The following HLA-DPB1 variants were observed in gnomAD, a reference collection of about 807,000 sequenced individuals.
HLA-DPB1 encodes HLA class II histocompatibility antigen, DP beta 1 chain.
Under a neutral mutation model 29.4 loss-of-function variants are expected in HLA-DPB1, and 30 were observed. That is an observed-to-expected ratio of 1.02 (90% CI 0.76 to 1.38). The LOEUF (loss-of-function observed/expected upper bound fraction) is 1.38, where lower values mean the gene tolerates loss of function less well. Ranked by LOEUF, HLA-DPB1 falls within the 40% of genes most tolerant of loss-of-function variation. HLA-DPB1 has a pLI of 0.00. For missense variants in HLA-DPB1, 261 were observed against 327.5 expected (o/e 0.80, Z 1.57); for synonymous variants, 114 against 134.0 (o/e 0.85, Z 1.03).
At chr6:33,078,134 T>G (rs1762644628) in intron 1 of HLA-DPB1, among the ~76,000 whole-genome samples, 1 of 149,616 alleles carries the variant, frequency 6.7e-6, no homozygotes, top group Non-Finnish European at 1.5e-5. Context: ...AACCCAGAGG[T>G]GGGGGAGCAG....
rs771635946 is a variant in HLA-DPB1, at chr6:33,085,929, T to C, written c.757+40T>C. On this transcript the variant is annotated intron_variant, in intron 4 of 5. Transcript: ENST00000418931. ...AGGGTGAGCGGGACTTACCTTCCCC[T>C]GGCATATTCACACTTATTCCACGAT... 4.5e-6 allele frequency: 6 copies of C among 1,335,376 alleles called. No homozygotes were observed. The East Asian group carries it at 1.4e-4, about 31-fold the overall frequency. 82.7% of individuals were successfully genotyped at this position (1,335,376 alleles called of 1,614,324 possible). A position where few individuals can be genotyped will look rare whatever the true frequency, so the allele number is the denominator to read the frequency against.
At position 33,087,504 on chromosome 6, in the gene HLA-DPB1, TC is replaced by T. The variant is rs540086241; in HGVS notation, c.*971del. ...TAGAGGACATGTTTGTTGTAAGCTT[TC>T]TTTTTCGTGTAGAGGATGGATTCTT... On this transcript the variant is annotated 3_prime_UTR_variant, in exon 6 of 6. Coordinates refer to ENST00000418931, the MANE Select transcript of HLA-DPB1 (RefSeq NM_002121.6). Among the ~76,000 whole-genome samples, 30,017 of 152,044 alleles carry T rather than the reference TC, an allele frequency of 0.2. 3,362 individuals are homozygous for T. The highest frequency in any genetic ancestry group is 0.55 in the East Asian group (2,820 of 5,148).
chr6:33,086,234 C>CACAAGGAA lies in HLA-DPB1; in HGVS notation c.774_775insCAAGGAAA (p.Ter259GlnfsTer8), dbSNP rs748621826. ...TTCATTTCAGTTCAACGAGGATCTG[C>CACAAGGAA]ATAAACAGGTAATATTCCTGCTTTG... On this transcript the variant is annotated frameshift_variant, in exon 5 of 6. Coordinates refer to ENST00000418931, the MANE Select transcript of HLA-DPB1 (RefSeq NM_002121.6). LOFTEE classifies it high-confidence loss of function. 2.5e-6 allele frequency: 4 copies of CACAAGGAA among 1,582,794 alleles called. No individual in the cohort carries two copies. Among genetic ancestry groups the CACAAGGAA allele is most frequent in the Non-Finnish European group, 3.5e-6 (4 of 1,154,080 alleles).
intron 1 of HLA-DPB1, chr6:33,079,413 C>G (rs560517160): frequency 2.6e-4 from 55 of 209,008 alleles, no homozygotes; most frequent in African/African-American, 1.3e-3. Context: ...TTCCTCGGTG[C>G]TGCCTATGCA....
At chr6:33,079,812 CAG>C in intron 1 of HLA-DPB1, 1 of 456,854 alleles carries the variant, frequency 2.2e-6, no homozygotes, top group South Asian at 1.7e-5. Flanking sequence ...AGCCGGCCAT[CAG>C]AGTCACCAAC....
intron 5 of HLA-DPB1, 115 bp from the exon 6 acceptor site, chr6:33,086,424 A>G: frequency 1.4e-6 from 1 of 725,088 alleles, no homozygotes; most frequent in Non-Finnish European, 2.6e-6. Context: ...AAGGAAGCAG[A>G]GATCAACTCT....
rs1213507119 is a variant in HLA-DPB1 at position 33,080,182 on chromosome 6, C to T, written c.101-490C>T. Among the ~76,000 whole-genome samples the T allele has an allele frequency of 1.3e-5, 2 of 152,100 alleles. No individual in the cohort carries two copies. Among genetic ancestry groups the T allele is most frequent in the African/African-American group, 2.4e-5 (1 of 41,396 alleles). On this transcript the variant is annotated intron_variant, in intron 1 of 5. Transcript: ENST00000418931. This position sits in a 1 kb window ranked among gnomAD's most constrained non-coding sequence, Gnocchi z 4.3. ...AGAAACTGGTCGAGAAGAGAGAGCG[C>T]TTAGCTATGGAAAAGAGAAAGAAGG... is the stretch of plus-strand genomic sequence containing the variant.
rs1399227023 is a variant in HLA-DPB1 at position 33,080,995 on chromosome 6, G to T, written c.364+60G>T. On this transcript the variant is annotated intron_variant, in intron 2 of 5. Coordinates refer to ENST00000418931, the MANE Select transcript of HLA-DPB1 (RefSeq NM_002121.6). This position sits in a 1 kb window ranked among gnomAD's most constrained non-coding sequence, Gnocchi z 4.3. ...AGCCCCGCGGGCCCGTGCCCAGGGC[G>T]CAGGAGCAGCCGGGTTGGCCTAAGG... 24 of 1,487,690 alleles carry T rather than the reference G, an allele frequency of 1.6e-5. No individual in the cohort carries two copies. The highest frequency in any genetic ancestry group is 2.0e-5 in the Non-Finnish European group (22 of 1,124,496). The allele number at this position is 1,487,690 out of a possible 1,614,324, so 92.2% of individuals were successfully genotyped here. A position where few individuals can be genotyped will look rare whatever the true frequency, so the allele number is the denominator to read the frequency against.
rs1562140489 is a variant in HLA-DPB1, at chr6:33,076,924, T to TA, written c.100+783_100+784insA. Among the ~76,000 whole-genome samples, 325 of 151,740 alleles carry TA rather than the reference T, an allele frequency of 2.1e-3. 1 individual carries two copies. Among genetic ancestry groups the TA allele is most frequent in the African/African-American group, 7.3e-3 (304 of 41,392 alleles). On this transcript the variant is annotated intron_variant, in intron 1 of 5. Coordinates refer to ENST00000418931, the MANE Select transcript of HLA-DPB1 (RefSeq NM_002121.6). ...CAGGATACTCTCAGGATATTTCTTT[T>TA]TATATATATATATACTTTAAGTTCT...
At position 33,087,405 on chromosome 6, in the gene HLA-DPB1, G is replaced by A. The variant is rs1240659878; in HGVS notation, c.*871G>A. ...CATGTAGCACTCTTTTTCAAACACT[G>A]GTCTTTTTTTTTTTCTTAACAATCC... On this transcript the variant is annotated 3_prime_UTR_variant, in exon 6 of 6. Transcript: ENST00000418931. 1.5e-5 allele frequency among the ~76,000 whole-genome samples: 2 copies of A among 133,142 alleles called. No individual in the cohort carries two copies. Among genetic ancestry groups the A allele is most frequent in the Admixed American group, 1.4e-4 (2 of 14,228 alleles). 87.3% of individuals were successfully genotyped at this position (133,142 alleles called of 152,430 possible).
rs2150380426 is a variant in HLA-DPB1 at position 33,087,918 on chromosome 6, A to AT, written c.*1390dup. Among the ~76,000 whole-genome samples, 1 of 148,722 alleles carries AT rather than the reference A, an allele frequency of 6.7e-6. No homozygotes were observed. The highest frequency in any genetic ancestry group is 1.9e-4 in the East Asian group (1 of 5,156). ...TTAACCTAGGGAATAGGACACAATC[A>AT]TTTTTTCTTTTTAAAACATCTTTAT... On this transcript the variant is annotated 3_prime_UTR_variant, in exon 6 of 6. Coordinates refer to ENST00000418931, the MANE Select transcript of HLA-DPB1 (RefSeq NM_002121.6).
Position 33,076,192 on chromosome 6 carries a change from TA to T in HLA-DPB1, c.100+52del, listed in dbSNP as rs764660693. The T allele has an allele frequency of 6.5e-6, 8 of 1,237,284 alleles. No homozygotes were observed. The East Asian group carries it at 1.9e-4, about 30-fold the overall frequency. 76.6% of individuals were successfully genotyped at this position (1,237,284 alleles called of 1,614,324 possible). A position where few individuals can be genotyped will look rare whatever the true frequency, so the allele number is the denominator to read the frequency against. ...AGGGTCTGGCTCAGGGAACAATTCC[TA>T]GGGGACGTTATCTTTAAGGGATCAA... On this transcript the variant is annotated intron_variant, in intron 1 of 5. Coordinates refer to ENST00000418931, the MANE Select transcript of HLA-DPB1 (RefSeq NM_002121.6).
Position 33,080,390 on chromosome 6 carries a change from A to G in HLA-DPB1, c.101-282A>G. The G allele has an allele frequency of 3.1e-6, 2 of 638,844 alleles. No homozygotes were observed. The highest frequency in any genetic ancestry group is 3.0e-5 in the South Asian group (2 of 65,964). 39.6% of individuals were successfully genotyped at this position (638,844 alleles called of 1,614,324 possible). A position where few individuals can be genotyped will look rare whatever the true frequency, so the allele number is the denominator to read the frequency against. Reference sequence around the variant, plus strand: ...TCCGCCTCCTCCAGCCACCAGCAGAAGGGACTGCCTTCCCCTCAGTGCTCG... The same window carrying G: ...TCCGCCTCCTCCAGCCACCAGCAGAGGGGACTGCCTTCCCCTCAGTGCTCG... On this transcript the variant is annotated intron_variant, in intron 1 of 5. Coordinates refer to ENST00000418931, the MANE Select transcript of HLA-DPB1 (RefSeq NM_002121.6). This position sits in a 1 kb window ranked among gnomAD's most constrained non-coding sequence, Gnocchi z 4.3.
In HLA-DPB1 at chr6:33,086,644, T is replaced by G. The variant is rs34087328; in HGVS notation, c.*110T>G. ...GACCTTCAACTTCCAAATTGGATAC[T>G]GCTGCCAAGAAGTTGCTCTGAAGTC... On this transcript the variant is annotated 3_prime_UTR_variant, in exon 6 of 6. Coordinates refer to ENST00000418931, the MANE Select transcript of HLA-DPB1 (RefSeq NM_002121.6). 1,298 of 496,164 alleles carry G rather than the reference T, an allele frequency of 2.6e-3. 12 individuals carry two copies. The highest frequency in any genetic ancestry group is 0.024 in the African/African-American group (1,156 of 48,630). 30.7% of individuals were successfully genotyped at this position (496,164 alleles called of 1,614,324 possible).
Position 33,076,111 on chromosome 6 carries a change from A to C in HLA-DPB1, c.70A>C (p.Thr24Pro), listed in dbSNP as rs763726124. ...ALTALLMVLLTSVVQGRATPE... is the reference protein window; with the variant it reads ...ALTALLMVLLPSVVQGRATPE... The stretch of plus-strand genomic sequence containing the variant: ...GACGGCGTTACTGATGGTGCTGCTC[A>C]CATCTGTGGTCCAGGGCAGGGCCAC... The change falls in exon 1 of 6, where the codon ACA becomes CCA. Residue 24 changes from threonine (T) to proline (P), a missense_variant. Coordinates refer to ENST00000418931, the MANE Select transcript of HLA-DPB1 (RefSeq NM_002121.6). 6.2e-7 allele frequency: 1 copy of C among 1,611,618 alleles called. No homozygotes were observed. Among genetic ancestry groups the C allele is most frequent in the South Asian group, 1.1e-5 (1 of 90,602 alleles).
At position 33,087,408 on chromosome 6, in the gene HLA-DPB1, C is replaced by CTTT. The variant is rs67703005; in HGVS notation, c.*883_*885dup. On this transcript the variant is annotated 3_prime_UTR_variant, in exon 6 of 6. Coordinates refer to ENST00000418931, the MANE Select transcript of HLA-DPB1 (RefSeq NM_002121.6). ...GTAGCACTCTTTTTCAAACACTGGT[C>CTTT]TTTTTTTTTTTCTTAACAATCCAAC... Among the ~76,000 whole-genome samples, 18,192 of 140,638 alleles carry CTTT rather than the reference C, an allele frequency of 0.13. 2,253 individuals carry two copies. The highest frequency in any genetic ancestry group is 0.33 in the African/African-American group (12,794 of 38,988). 92.3% of individuals were successfully genotyped at this position (140,638 alleles called of 152,430 possible).
chr6:33,084,568 G>C (rs1359930213), intron 2 of HLA-DPB1, among the ~76,000 whole-genome samples: 1 of 152,110 alleles, frequency 6.6e-6, no homozygotes, highest in Non-Finnish European at 1.5e-5. Flanking sequence ...TGGATCACTT[G>C]AGGTCAGGCG....
At chr6:33,085,653 A>G (rs915682616) in intron 3 of HLA-DPB1, 126 bp from the exon 4 acceptor site, 2 of 720,928 alleles carry the variant, frequency 2.8e-6, no homozygotes, top group Admixed American at 4.3e-5. Context: ...ATTTCCTCTT[A>G]GCAAGCTTTT....
At chr6:33,083,994 T>C (rs1762985028) in intron 2 of HLA-DPB1, 1 of 117,434 alleles carries the variant, frequency 8.5e-6, no homozygotes, top group East Asian at 3.3e-4. Flanking sequence ...TACTCAAGCA[T>C]GTAGGAGCTC....
Sources: allele counts gnomAD v4.1 joint callset (sites outside exome capture counted in the v4.1 genomes callset), GRCh38; gene constraint gnomAD v4.1.1; non-coding constraint Gnocchi (gnomAD v3.1); transcripts MANE v1.5; gene names NCBI Gene and HGNC (gene_info 2026-07-23, HGNC 2026-07-21).